OCA2: variants seen among roughly 807,000 people sequenced by gnomAD.
OCA2 encodes P protein.
In OCA2, 77 loss-of-function variants were observed where a neutral mutation model predicts 100.2. The observed-to-expected ratio is 0.77, with a 90% CI of 0.64 to 0.93. The LOEUF is 0.93. Ranked by LOEUF, OCA2 falls within the 40% of genes least tolerant of loss-of-function variation. The probability of loss-of-function intolerance (pLI) is 0.00; values close to 1 mark genes in which losing one functional copy is unlikely to be tolerated. For synonymous variants in OCA2, 432 were observed against 439.2 expected (o/e 0.98, Z 0.21); for missense variants, 1,062 against 1,089.1 (o/e 0.98, Z 0.35).
At chr15:27,720,845 C>G in the OCA2 span, among the ~76,000 whole-genome samples, 4 of 152,142 alleles carry the variant, frequency 2.6e-5, no homozygotes, top group Admixed American at 6.5e-5. Flanking sequence ...CACTCTTACT[C>G]ACCATATCAC....
chr15:27,998,281 A>T, intron 9 of OCA2, among the ~76,000 whole-genome samples: 2 of 88,112 alleles, frequency 2.3e-5, no homozygotes, highest in Non-Finnish European at 3.8e-5. Flanking sequence ...ATGGGAGAAA[A>T]TTTTTGCAAC....
chr15:28,084,156 G>A lies in OCA2; in HGVS notation c.-21-2261C>T, dbSNP rs143788512. Among the ~76,000 whole-genome samples, 862 of 152,320 alleles carry A rather than the reference G, an allele frequency of 5.7e-3. 5 individuals carry two copies. The highest frequency in any genetic ancestry group is 0.02 in the African/African-American group (813 of 41,576). ...TCTCTCCACCATGTGTGGACACGGCGAGAAGATGCTGTCTGTGAACCAGGA... is the reference window on the plus strand; with the variant it reads ...TCTCTCCACCATGTGTGGACACGGCAAGAAGATGCTGTCTGTGAACCAGGA... On this transcript the variant is annotated intron_variant, in intron 1 of 23. Transcript: ENST00000354638.
chr15:28,014,643 A>G, intron 9 of OCA2, 133 bp downstream of exon 9: 8 of 979,586 alleles, frequency 8.2e-6, no homozygotes, highest in Non-Finnish European at 1.1e-5. Context: ...GGGACACGCT[A>G]ATCTTTAGGA....
downstream of OCA2, among the ~76,000 whole-genome samples, chr15:27,751,821 C>G (rs569445240): frequency 6.6e-6 from 1 of 152,306 alleles, no homozygotes; most frequent in East Asian, 1.9e-4. Context: ...CTAGTCTTCT[C>G]TAGAAAAGCA....
chr15:28,067,861 G>A (rs1299876993), intron 2 of OCA2, among the ~76,000 whole-genome samples: 1 of 152,152 alleles, frequency 6.6e-6, no homozygotes, highest in Admixed American at 6.5e-5. Context: ...TTGGTCAAGT[G>A]TTGAGTTTAA....
At chr15:27,952,810 G>A (rs2040080150) in intron 17 of OCA2, among the ~76,000 whole-genome samples, 1 of 152,056 alleles carries the variant, frequency 6.6e-6, no homozygotes, top group South Asian at 2.1e-4. Flanking sequence ...TCCCTCCCCA[G>A]TAGCTGGGAC....
chr15:28,089,140 C>G (rs2044829320), intron 1 of OCA2, among the ~76,000 whole-genome samples: 1 of 152,198 alleles, frequency 6.6e-6, no homozygotes, highest in Non-Finnish European at 1.5e-5. Context: ...TGGCTCTGTT[C>G]CTCCCGGCCC....
At chr15:28,088,050 G>A (rs72714118) in intron 1 of OCA2, among the ~76,000 whole-genome samples, 16,319 of 151,422 alleles carry the variant, frequency 0.11, 1,054 homozygotes, top group Admixed American at 0.19. Context: ...CAGCGAAAGC[G>A]AACCTGCATC....
At chr15:28,065,661 T>C (rs1314072817) in intron 2 of OCA2, among the ~76,000 whole-genome samples, 4 of 152,118 alleles carry the variant, frequency 2.6e-5, no homozygotes, top group African/African-American at 9.7e-5. Flanking sequence ...TCACTATTCC[T>C]CTGCAGTAAG....
chr15:28,056,571 C>T (rs1452479114), intron 2 of OCA2, among the ~76,000 whole-genome samples: 4 of 152,362 alleles, frequency 2.6e-5, no homozygotes, highest in South Asian at 4.1e-4. Flanking sequence ...CGTGGGGGCA[C>T]GCTGCTTTAC....
intron 14 of OCA2, among the ~76,000 whole-genome samples, chr15:27,982,408 C>T (rs1363486871): frequency 6.6e-6 from 1 of 152,170 alleles, no homozygotes; most frequent in Non-Finnish European, 1.5e-5. Context: ...CTAGCATAAA[C>T]TGCAGGGTCT....
At chr15:28,056,354 T>C (rs2043696752) in intron 2 of OCA2, among the ~76,000 whole-genome samples, 1 of 152,214 alleles carries the variant, frequency 6.6e-6, no homozygotes. Context: ...ACTGGCTGGA[T>C]GGGAGACGTT....
At chr15:28,082,318 T>A (rs1035421297) in intron 1 of OCA2, among the ~76,000 whole-genome samples, 1 of 152,156 alleles carries the variant, frequency 6.6e-6, no homozygotes, top group Non-Finnish European at 1.5e-5. Flanking sequence ...CCCCTACTAA[T>A]CTGTGGATAC....
At chr15:27,828,099 A>T (rs2034805134) in intron 23 of OCA2, among the ~76,000 whole-genome samples, 1 of 152,122 alleles carries the variant, frequency 6.6e-6, no homozygotes, top group South Asian at 2.1e-4. Context: ...GTGAGGTTGG[A>T]GCACCTAATT....
chr15:27,773,589 C>T (rs576450722), intron 23 of OCA2, among the ~76,000 whole-genome samples: 1 of 152,290 alleles, frequency 6.6e-6, no homozygotes, highest in South Asian at 2.1e-4. Flanking sequence ...TGAGTATTAG[C>T]TCAGCTAATC....
At chr15:28,003,699 G>A (rs112089770) in intron 9 of OCA2, among the ~76,000 whole-genome samples, 8 of 152,278 alleles carry the variant, frequency 5.3e-5, no homozygotes, top group Middle Eastern at 6.8e-3. Context: ...CACGGCCCTC[G>A]GGGGTTCTTA....
At chr15:28,038,285 A>G (rs978822474) in intron 2 of OCA2, among the ~76,000 whole-genome samples, 2 of 152,222 alleles carry the variant, frequency 1.3e-5, no homozygotes, top group African/African-American at 2.4e-5. Context: ...CTGAGGAAGA[A>G]ACATGAGTAA....
chr15:28,018,366 C>A, intron 7 of OCA2, 31 bp downstream of exon 7: 1 of 1,607,256 alleles, frequency 6.2e-7, no homozygotes, highest in Non-Finnish European at 8.5e-7. Flanking sequence ...TGAGATTTCA[C>A]AATTCCTTTC....
downstream of OCA2, among the ~76,000 whole-genome samples, chr15:27,752,723 C>T (rs895493362): frequency 7.0e-6 from 1 of 143,298 alleles, no homozygotes; most frequent in Non-Finnish European, 1.5e-5. Context: ...CATGCTGGCA[C>T]AGCCCCAGCA....
Sources: gnomAD v4.1 joint callset for allele counts (sites outside exome capture counted in the v4.1 genomes callset) on GRCh38, gnomAD v4.1.1 for gene constraint, MANE v1.5 for transcripts, NCBI Gene and HGNC (gene_info 2026-07-23, HGNC 2026-07-21) for gene names.